Variants in OSBPL6 observed in about 807,000 individuals in gnomAD.
OSBPL6 encodes oxysterol-binding protein-related protein 6.
A neutral mutation model predicts 125.8 loss-of-function variants in OSBPL6; 49 were observed. The observed-to-expected ratio is 0.39, with a 90% confidence interval of 0.31 to 0.49. The LOEUF (loss-of-function observed/expected upper bound fraction) is 0.49, where lower values mean the gene tolerates loss of function less well. Ranked by LOEUF, OSBPL6 falls within the 20% of genes least tolerant of loss-of-function variation. The pLI is 0.88. For missense variants in OSBPL6, 986 were observed against 1,135.4 expected, an observed-to-expected ratio of 0.87 and a Z score of 1.89; for synonymous variants, 394 against 391.8, an observed-to-expected ratio of 1.01 and a Z score of -0.07.
At chr2:178,254,329 G>A (rs796374172) in intron 1 of OSBPL6, among the ~76,000 whole-genome samples, 29 of 151,308 alleles carry the variant, frequency 1.9e-4, no homozygotes, top group African/African-American at 6.6e-4. Context: ...AGAGGCGGAG[G>A]TTGCAGTGAG....
At chr2:178,337,334 A>C (rs1055428368) in intron 9 of OSBPL6, among the ~76,000 whole-genome samples, 6 of 152,178 alleles carry the variant, frequency 3.9e-5, no homozygotes, top group Non-Finnish European at 7.3e-5. Context: ...AAAATTTGGT[A>C]ATCTATGTTA....
chr2:178,394,754 C>T (rs79191935), intron 24 of OSBPL6, among the ~76,000 whole-genome samples: 1 of 152,214 alleles, frequency 6.6e-6, no homozygotes, highest in African/African-American at 2.4e-5. Flanking sequence ...AACCAGACCC[C>T]ACTGCCCACA....
At position 178,215,123 on chromosome 2, in the gene OSBPL6, A is replaced by T. The variant is rs188310086; in HGVS notation, c.-351+20449A>T. Among the ~76,000 whole-genome samples, 176 of 152,032 alleles carry T rather than the reference A, an allele frequency of 1.2e-3. 1 individual carries two copies. The highest frequency in any genetic ancestry group is 5.7e-3 in the Admixed American group (87 of 15,282). ...TAAAAAAAAAAAAAAGAAAAAACAG[A>T]AACAAAAAAACCTTGGTACTTCTGG... On this transcript the variant is annotated intron_variant, in intron 1 of 24. Transcript: ENST00000190611.
At chr2:178,304,744 C>T (rs772935298) in intron 2 of OSBPL6, among the ~76,000 whole-genome samples, 6 of 152,274 alleles carry the variant, frequency 3.9e-5, no homozygotes, top group Non-Finnish European at 5.9e-5. Context: ...ACTGTCATGG[C>T]CTACAAGGTC....
intron 2 of OSBPL6, among the ~76,000 whole-genome samples, chr2:178,304,323 G>A (rs868130665): frequency 2.6e-5 from 4 of 152,252 alleles, no homozygotes; most frequent in African/African-American, 9.6e-5. Flanking sequence ...TGGCTGGGGA[G>A]GCCTTAGGAA....
chr2:178,198,646 A>ATAAC (rs2089055295), intron 1 of OSBPL6, among the ~76,000 whole-genome samples: 1 of 149,322 alleles, frequency 6.7e-6, no homozygotes, highest in South Asian at 2.1e-4. Flanking sequence ...AAATAAATAA[A>ATAAC]TAAATAAATA....
At chr2:178,270,656 G>A (rs2092356977) in intron 1 of OSBPL6, among the ~76,000 whole-genome samples, 1 of 152,208 alleles carries the variant, frequency 6.6e-6, no homozygotes, top group Non-Finnish European at 1.5e-5. Flanking sequence ...AAAGTTGGAT[G>A]TTTGATATGA....
intron 11 of OSBPL6, chr2:178,344,425 C>G (rs937014082): frequency 6.6e-7 from 1 of 1,507,024 alleles, no homozygotes; most frequent in African/African-American, 1.4e-5. Context: ...AAGGATGACT[C>G]CCCTGTCCTG....
At chr2:178,249,362 T>G (rs1211129577) in intron 1 of OSBPL6, among the ~76,000 whole-genome samples, 2 of 152,216 alleles carry the variant, frequency 1.3e-5, no homozygotes, top group African/African-American at 4.8e-5. Flanking sequence ...CGGTGTTTAG[T>G]AGCTATAAAT....
chr2:178,314,098 G>C (rs899275420), intron 3 of OSBPL6, among the ~76,000 whole-genome samples: 1 of 152,232 alleles, frequency 6.6e-6, no homozygotes, highest in Non-Finnish European at 1.5e-5. Flanking sequence ...AGCCTCTGTA[G>C]CATCTTCAAA....
At chr2:178,272,148 C>T (rs1574703346) in intron 1 of OSBPL6, among the ~76,000 whole-genome samples, 1 of 152,174 alleles carries the variant, frequency 6.6e-6, no homozygotes, top group Admixed American at 6.5e-5. Flanking sequence ...TCAGCACAGC[C>T]CTGGAGCTTC....
chr2:178,299,941 G>T lies in OSBPL6; in HGVS notation c.-155-6089G>T, dbSNP rs114650061. Reference sequence around the variant, plus strand: ...TAGAGGCTTGATGAGTTGAAATCAGGAAACTTGCATCTAGGATTTTCTAAT... The same window carrying T: ...TAGAGGCTTGATGAGTTGAAATCAGTAAACTTGCATCTAGGATTTTCTAAT... On this transcript the variant is annotated intron_variant, in intron 2 of 24. Transcript: ENST00000190611. 4.2e-3 allele frequency among the ~76,000 whole-genome samples: 640 copies of T among 152,232 alleles called. 4 individuals carry two copies. The highest frequency in any genetic ancestry group is 0.015 in the African/African-American group (623 of 41,534).
chr2:178,324,003 A>C (rs557109248), intron 3 of OSBPL6, among the ~76,000 whole-genome samples, 174 bp from the exon 4 acceptor site: 1 of 152,272 alleles, frequency 6.6e-6, no homozygotes, highest in South Asian at 2.1e-4. Context: ...GGAGGGGAAA[A>C]TCCTGTGCCG....
chr2:178,236,716 G>A (rs898172329), intron 1 of OSBPL6, among the ~76,000 whole-genome samples: 5 of 152,136 alleles, frequency 3.3e-5, no homozygotes, highest in Non-Finnish European at 7.4e-5. Flanking sequence ...GCCCCCGCTT[G>A]GATGCCAGAA....
rs114422657 is a variant in OSBPL6 at position 178,260,799 on chromosome 2, C to T, written c.-350-24128C>T. 2.1e-3 allele frequency among the ~76,000 whole-genome samples: 318 copies of T among 152,236 alleles called. 2 individuals carry two copies. Among genetic ancestry groups the T allele is most frequent in the African/African-American group, 7.5e-3 (311 of 41,548 alleles). ...CAAAAATCCTAGTTCTCAATGAAAC[C>T]ATTTTACTTCTTCATCCTGCTGTAG... On this transcript the variant is annotated intron_variant, in intron 1 of 24. Transcript: ENST00000190611.
At position 178,392,381 on chromosome 2, in the gene OSBPL6, C is replaced by G. The variant is rs371483110; in HGVS notation, c.2447-31C>G. 52 of 1,611,890 alleles carry G rather than the reference C, an allele frequency of 3.2e-5. No homozygotes were observed. The Admixed American group carries it at 7.8e-4, about 24-fold the overall frequency. ...TCTTCCAGTTCCATAAACCTTCTGC[C>G]TCTCACAGTGGTTCATTGGCCTCTT... is the stretch of plus-strand genomic sequence containing the variant. On this transcript the variant is annotated intron_variant, in intron 22 of 24. Coordinates refer to ENST00000190611, the MANE Select transcript of OSBPL6 (RefSeq NM_032523.4).
In OSBPL6 at chr2:178,395,548, G is replaced by C. The variant is rs1695787983; in HGVS notation, c.2794G>C (p.Val932Leu). ...DPGFSKVDSP[V>L]LW ...TGGGTTTAGCAAAGTAGACAGCCCTGTTCTTTGGTAGACTGGGAATGTAGA... is the reference window on the plus strand; with the variant it reads ...TGGGTTTAGCAAAGTAGACAGCCCTCTTCTTTGGTAGACTGGGAATGTAGA... The change falls in exon 25 of 25, where the codon GTT becomes CTT. Residue 932 changes from valine to leucine, a missense_variant. This residue lies in a region of OSBPL6 where 843 missense variants were observed against 997.3 expected (regional missense o/e 0.85). Transcript: ENST00000190611. The C allele has an allele frequency of 6.2e-7, 1 of 1,609,776 alleles. No homozygotes were observed. Among genetic ancestry groups the C allele is most frequent in the Non-Finnish European group, 8.5e-7 (1 of 1,176,352 alleles).
chr2:178,328,243 T>A lies in OSBPL6; in HGVS notation c.196-13T>A. On this transcript the variant is annotated splice_polypyrimidine_tract_variant and intron_variant, in intron 4 of 24. Transcript: ENST00000190611. ...TGAGTAACATGTGATTTGTTTTTCTTCTTTTCTCTCAGGAAGCTGACAGCT... is the reference window on the plus strand; with the variant it reads ...TGAGTAACATGTGATTTGTTTTTCTACTTTTCTCTCAGGAAGCTGACAGCT... 1 of 1,612,730 alleles carries A rather than the reference T, an allele frequency of 6.2e-7. No homozygotes were observed. Among genetic ancestry groups the A allele is most frequent in the Non-Finnish European group, 8.5e-7 (1 of 1,179,416 alleles).
chr2:178,368,268 A>G (rs371526926), intron 13 of OSBPL6, among the ~76,000 whole-genome samples: 75 of 152,278 alleles, frequency 4.9e-4, no homozygotes, highest in African/African-American at 1.8e-3. Flanking sequence ...CGATCAAGGC[A>G]AAAGGGGGAG....
Sources: allele counts gnomAD v4.1 joint callset (sites outside exome capture counted in the v4.1 genomes callset), GRCh38; gene constraint gnomAD v4.1.1; regional missense constraint gnomAD v4.1.1; transcripts MANE v1.5; gene names NCBI Gene and HGNC (gene_info 2026-07-23, HGNC 2026-07-21).